The following RC3H2 variants were observed in gnomAD, a reference collection of about 807,000 sequenced individuals.
RC3H2 encodes roquin-2.
In RC3H2, 31 loss-of-function variants were observed where a neutral mutation model predicts 133.3. That is an observed-to-expected ratio of 0.23 (90% CI 0.17 to 0.31). The LOEUF is 0.31. Ranked by LOEUF, RC3H2 falls within the 10% of genes least tolerant of loss-of-function variation. The pLI is 1.00. For missense variants in RC3H2, 1,175 were observed against 1,437.2 expected, an observed-to-expected ratio of 0.82 and a Z score of 2.95; for synonymous variants, 517 against 502.2, an observed-to-expected ratio of 1.03 and a Z score of -0.40.
intron 6 of RC3H2, 171 bp from the exon 7 acceptor site, chr9:122,880,296 C>T (rs1319257624): frequency 1.2e-6 from 1 of 855,096 alleles, no homozygotes; most frequent in East Asian, 2.4e-5. Context: ...CTATGAAATT[C>T]ATCATTAGAC....
At chr9:122,867,309 C>T (rs1444239723) in intron 9 of RC3H2, among the ~76,000 whole-genome samples, 2 of 109,466 alleles carry the variant, frequency 1.8e-5, no homozygotes, top group African/African-American at 3.6e-5. Flanking sequence ...CCCGGCCAGC[C>T]GCCCCGTCCG....
rs1421030616 is a variant in RC3H2 at position 122,905,065 on chromosome 9, AC to A, written c.-68+44del. On this transcript the variant is annotated intron_variant, in intron 1 of 20. Coordinates refer to ENST00000357244, the MANE Select transcript of RC3H2 (RefSeq NM_001100588.3). Reference sequence around the variant, plus strand: ...CCCGCCCGACCGCCGGGGACCAGGCACCCGGGCTGGGGCCCGAGCCGCATCG... The same window carrying A: ...CCCGCCCGACCGCCGGGGACCAGGCACCGGGCTGGGGCCCGAGCCGCATCG... 3.1e-6 allele frequency: 3 copies of A among 983,342 alleles called. No individual in the cohort carries two copies. The East Asian group carries it at 3.4e-4, about 112-fold the overall frequency. The allele number at this position is 983,342 out of a possible 1,614,324, so 60.9% of individuals were successfully genotyped here. A position where few individuals can be genotyped will look rare whatever the true frequency, so the allele number is the denominator to read the frequency against.
At chr9:122,894,959 T>C (rs1433853643) in intron 2 of RC3H2, among the ~76,000 whole-genome samples, 1 of 152,108 alleles carries the variant, frequency 6.6e-6, no homozygotes, top group Non-Finnish European at 1.5e-5. Context: ...AGCCATCACT[T>C]GGCAATATAC....
At chr9:122,902,166 G>C (rs1588120166) in intron 1 of RC3H2, among the ~76,000 whole-genome samples, 1 of 151,774 alleles carries the variant, frequency 6.6e-6, no homozygotes, top group African/African-American at 2.4e-5. Context: ...CCTGACCTCA[G>C]GTGATCCACC....
chr9:122,847,177 T>C lies in RC3H2; in HGVS notation c.*2450A>G, dbSNP rs895736750. On this transcript the variant is annotated 3_prime_UTR_variant, in exon 21 of 21. Coordinates refer to ENST00000357244, the MANE Select transcript of RC3H2 (RefSeq NM_001100588.3). ...TGCAAATGTAATTTCACTGGACAAGTAGGCAAACATCTAAGCAGTTTATCC... is the reference window on the plus strand; with the variant it reads ...TGCAAATGTAATTTCACTGGACAAGCAGGCAAACATCTAAGCAGTTTATCC... 2.6e-5 allele frequency: 4 copies of C among 152,104 alleles called. No homozygotes were observed. The highest frequency in any genetic ancestry group is 9.7e-5 in the African/African-American group (4 of 41,422). The allele number at this position is 152,104 out of a possible 1,614,324, so 9.4% of individuals were successfully genotyped here.
chr9:122,894,828 C>T (rs943166828), intron 2 of RC3H2, among the ~76,000 whole-genome samples: 13 of 151,954 alleles, frequency 8.6e-5, no homozygotes, highest in Admixed American at 5.2e-4. Context: ...TGCAGTGAGC[C>T]GAGATTGCGC....
chr9:122,899,094 T>G lies in RC3H2; in HGVS notation c.-67-1518A>C, dbSNP rs1392678530. The stretch of plus-strand genomic sequence containing the variant: ...AATTCTATTAGCCTTTATTGTGTTT[T>G]TTTTTTTTTTTTTTTTTTTTTTTTC... On this transcript the variant is annotated intron_variant, in intron 1 of 20. Transcript: ENST00000357244. Among the ~76,000 whole-genome samples the G allele has an allele frequency of 2.2e-3, 245 of 112,460 alleles. 40 individuals are homozygous for G. Among genetic ancestry groups the G allele is most frequent in the East Asian group, 0.018 (66 of 3,686 alleles). The allele number at this position is 112,460 out of a possible 152,430, so 73.8% of individuals were successfully genotyped here. A position where few individuals can be genotyped will look rare whatever the true frequency, so the allele number is the denominator to read the frequency against.
Position 122,854,215 on chromosome 9 carries a change from A to G in RC3H2, c.2952T>C (p.Thr984=), listed in dbSNP as rs921298408. Residue 984 remains threonine (T), a synonymous_variant, in exon 17 of 21, where the codon ACT becomes ACC. Transcript: ENST00000357244. ...DLSGHRKHSS[T]GDLLSLELQQ... is the part of the protein sequence containing the mutation. ...GAAGTTCAAGGCTCAAAAGGTCCCC[A>G]GTACTGGAATGCTTTCTATGACCAG... 6.2e-7 allele frequency: 1 copy of G among 1,613,892 alleles called. No homozygotes were observed. Among genetic ancestry groups the G allele is most frequent in the African/African-American group, 1.3e-5 (1 of 74,942 alleles).
intron 15 of RC3H2, 68 bp downstream of exon 15, chr9:122,855,116 T>TAAAAAAA (rs5900548): frequency 2.3e-6 from 2 of 868,972 alleles, no homozygotes; most frequent in African/African-American, 1.9e-5. Flanking sequence ...CTGTCTCAAT[T>TAAAAAAA]AAAAAAAAAA....
intron 9 of RC3H2, among the ~76,000 whole-genome samples, chr9:122,868,467 T>C (rs1830852800): frequency 6.6e-6 from 1 of 151,606 alleles, no homozygotes; most frequent in Admixed American, 6.6e-5. Context: ...CTCTGAAACA[T>C]GTGCTGTGTC....
chr9:122,850,715 C>T (rs1191924968), intron 20 of RC3H2, among the ~76,000 whole-genome samples: 4 of 152,052 alleles, frequency 2.6e-5, no homozygotes, highest in African/African-American at 9.7e-5. Flanking sequence ...GGGATTACAG[C>T]CATGAGCCAC....
At chr9:122,861,593 T>C (rs1721003539) in intron 10 of RC3H2, among the ~76,000 whole-genome samples, 1 of 152,174 alleles carries the variant, frequency 6.6e-6, no homozygotes, top group African/African-American at 2.4e-5. Context: ...TTGTATTTGC[T>C]TGTTTTAGTC....
intron 14 of RC3H2, 91 bp downstream of exon 14, chr9:122,855,641 G>T: frequency 7.2e-7 from 1 of 1,392,290 alleles, no homozygotes; most frequent in Non-Finnish European, 9.7e-7. Context: ...GCAACAATAT[G>T]AATGAATGAA....
intron 9 of RC3H2, chr9:122,875,371 A>G: frequency 6.5e-7 from 1 of 1,539,018 alleles, no homozygotes; most frequent in Non-Finnish European, 8.8e-7. Flanking sequence ...GGTTACACTT[A>G]TGTAAGATAG....
chr9:122,891,144 C>A (rs565740249), intron 3 of RC3H2, among the ~76,000 whole-genome samples: 2 of 151,366 alleles, frequency 1.3e-5, no homozygotes, highest in Admixed American at 1.3e-4. Flanking sequence ...CTCAGCCTCC[C>A]GAGTAGCTGG....
chr9:122,896,543 T>A (rs1403721108), intron 2 of RC3H2, among the ~76,000 whole-genome samples: 1 of 152,224 alleles, frequency 6.6e-6, no homozygotes, highest in Non-Finnish European at 1.5e-5. Context: ...TATAAGGATA[T>A]GACATTATCT....
chr9:122,854,092 T>C lies in RC3H2; in HGVS notation c.2983-6A>G, dbSNP rs1385734843. 6.2e-7 allele frequency: 1 copy of C among 1,612,892 alleles called. No homozygotes were observed. On this transcript the variant is annotated splice_region_variant and splice_polypyrimidine_tract_variant and intron_variant, in intron 17 of 20. Transcript: ENST00000357244. Reference sequence around the variant, plus strand: ...AGTAATGAGTTGCTCTTGGCCTATATGAGGAGGGAAAAAAAGAAAAGTTAG... The same window carrying C: ...AGTAATGAGTTGCTCTTGGCCTATACGAGGAGGGAAAAAAAGAAAAGTTAG...
intron 4 of RC3H2, among the ~76,000 whole-genome samples, chr9:122,885,204 G>A (rs1218659830): frequency 6.6e-6 from 1 of 152,064 alleles, no homozygotes; most frequent in East Asian, 1.9e-4. Flanking sequence ...GTATTAAAAG[G>A]AAAGGAGCAT....
chr9:122,860,766 A>G (rs890233338), intron 10 of RC3H2, among the ~76,000 whole-genome samples: 4 of 152,146 alleles, frequency 2.6e-5, no homozygotes, highest in Non-Finnish European at 4.4e-5. Flanking sequence ...AAAAAAAAAA[A>G]AGAAAATTCT....
Sources: gnomAD v4.1 joint callset for allele counts (sites outside exome capture counted in the v4.1 genomes callset) on GRCh38, gnomAD v4.1.1 for gene constraint, MANE v1.5 for transcripts, NCBI Gene and HGNC (gene_info 2026-07-23, HGNC 2026-07-21) for gene names.